Variants in ACTR3C observed in about 807,000 individuals in gnomAD.
The protein encoded by ACTR3C is actin-related protein 3C.
ACTR3C carries 18 observed loss-of-function variants against 26.3 expected under a neutral mutation model. The observed-to-expected ratio is 0.68, with a 90% confidence interval of 0.47 to 1.01. The LOEUF is 1.01. ACTR3C is among the 50% of genes least tolerant of loss of function. The pLI is 0.00. For synonymous variants in ACTR3C, 55 were observed against 94.5 expected, an observed-to-expected ratio of 0.58 and a Z score of 2.42; for missense variants, 184 against 250.7, an observed-to-expected ratio of 0.73 and a Z score of 1.80.
At chr7:149,955,604 C>A in the ACTR3C span, among the ~76,000 whole-genome samples, 1 of 152,062 alleles carries the variant, frequency 6.6e-6, no homozygotes, top group Non-Finnish European at 1.5e-5. Flanking sequence ...GCTGTATTTT[C>A]TTAACTGAAA....
chr7:150,132,202 C>G, the ACTR3C span, among the ~76,000 whole-genome samples: 1 of 152,024 alleles, frequency 6.6e-6, no homozygotes, highest in East Asian at 1.9e-4. Context: ...TTTTCAGGAG[C>G]TAGGGGACAG....
chr7:149,987,552 G>A, the ACTR3C span, among the ~76,000 whole-genome samples: 3 of 145,592 alleles, frequency 2.1e-5, no homozygotes, highest in African/African-American at 7.4e-5. Flanking sequence ...GGGCGACAGA[G>A]CAAGACTGTC....
intron 2 of ACTR3C, among the ~76,000 whole-genome samples, chr7:150,294,306 C>T (rs907803146): frequency 6.6e-6 from 1 of 152,226 alleles, no homozygotes; most frequent in Admixed American, 6.5e-5. Flanking sequence ...ATGCACACGG[C>T]GGCGCCCACA....
chr7:150,156,622 G>A, the ACTR3C span, among the ~76,000 whole-genome samples: 3 of 152,066 alleles, frequency 2.0e-5, no homozygotes, highest in Admixed American at 2.0e-4. Context: ...TTATTTTGGA[G>A]AGAAAACAAG....
the ACTR3C span, among the ~76,000 whole-genome samples, chr7:149,987,918 T>TA: frequency 6.6e-6 from 1 of 152,202 alleles, no homozygotes; most frequent in Non-Finnish European, 1.5e-5. Context: ...AAAGCTTTTT[T>TA]AAAAAAGAAA....
At chr7:149,936,522 T>C in the ACTR3C span, among the ~76,000 whole-genome samples, 1 of 152,216 alleles carries the variant, frequency 6.6e-6, no homozygotes, top group Non-Finnish European at 1.5e-5. Flanking sequence ...AAAGCCTGCA[T>C]TGGGGAAGCA....
intron 6 of ACTR3C, among the ~76,000 whole-genome samples, chr7:150,278,141 C>T (rs767748265): frequency 2.6e-4 from 40 of 152,224 alleles, no homozygotes; most frequent in Admixed American, 2.1e-3. Flanking sequence ...CCCACAGGAT[C>T]GCGCTACTCT....
chr7:150,221,165 A>T, the ACTR3C span, among the ~76,000 whole-genome samples: 1 of 152,250 alleles, frequency 6.6e-6, no homozygotes, highest in African/African-American at 2.4e-5. Flanking sequence ...GGTCGGTGCC[A>T]TTGGTTGGCG....
the ACTR3C span, among the ~76,000 whole-genome samples, chr7:150,011,325 G>T: frequency 6.6e-6 from 1 of 151,784 alleles, no homozygotes; most frequent in Non-Finnish European, 1.5e-5. Flanking sequence ...GGTGGCTCAC[G>T]CCTGTAATCT....
chr7:149,975,184 A>G, the ACTR3C span, among the ~76,000 whole-genome samples: 44 of 152,330 alleles, frequency 2.9e-4, no homozygotes, highest in African/African-American at 1.0e-3. Context: ...GTTGAAATCA[A>G]CTCACACAAA....
At chr7:150,085,725 A>G in the ACTR3C span, among the ~76,000 whole-genome samples, 1 of 152,268 alleles carries the variant, frequency 6.6e-6, no homozygotes, top group African/African-American at 2.4e-5. Flanking sequence ...GAGTTTAATA[A>G]GTATCCATCA....
downstream of ACTR3C, chr7:150,246,407 T>A (rs2129608791): frequency 6.6e-6 from 1 of 152,326 alleles, no homozygotes; most frequent in East Asian, 1.9e-4. Flanking sequence ...AGTGCATCAT[T>A]AATAGAACAG....
At chr7:150,042,771 A>G in the ACTR3C span, among the ~76,000 whole-genome samples, 3 of 151,442 alleles carry the variant, frequency 2.0e-5, no homozygotes, top group Admixed American at 6.5e-5. Context: ...AAACCTGTCT[A>G]GTTGTTTAGA....
the ACTR3C span, among the ~76,000 whole-genome samples, chr7:149,989,074 T>G: frequency 1.3e-5 from 2 of 152,088 alleles, no homozygotes; most frequent in South Asian, 4.2e-4. Context: ...GAGCAACCCC[T>G]CACCACCACT....
At chr7:150,158,653 T>C in the ACTR3C span, among the ~76,000 whole-genome samples, 1 of 152,232 alleles carries the variant, frequency 6.6e-6, no homozygotes, top group African/African-American at 2.4e-5. Flanking sequence ...AGAACATCAG[T>C]TGAGGACGGG....
the ACTR3C span, among the ~76,000 whole-genome samples, chr7:149,911,452 C>T: frequency 6.6e-6 from 1 of 152,078 alleles, no homozygotes; most frequent in African/African-American, 2.4e-5. Flanking sequence ...CAGTGACTGG[C>T]ACATGGCAAA....
rs188730925 is a variant in ACTR3C at position 150,294,295 on chromosome 7, A to G, written c.46-876T>C. Among the ~76,000 whole-genome samples, 1,107 of 152,346 alleles carry G rather than the reference A, an allele frequency of 7.3e-3. 9 individuals carry two copies. Among genetic ancestry groups the G allele is most frequent in the Non-Finnish European group, 0.011 (745 of 68,032 alleles). On this transcript the variant is annotated intron_variant, in intron 2 of 7. Coordinates refer to ENST00000683684, the MANE Select transcript of ACTR3C (RefSeq NM_001164458.2). ...CCAGGGATGCCGCTACGCTCCCCGC[A>G]ATGCACACGGCGGCGCCCACAACAA...
the ACTR3C span, among the ~76,000 whole-genome samples, chr7:150,037,905 C>G: frequency 1.5e-5 from 2 of 133,374 alleles, no homozygotes; most frequent in African/African-American, 2.8e-5. Flanking sequence ...GGCTCGCTCT[C>G]AGTCCCCGCG....
At chr7:149,932,628 T>C in the ACTR3C span, among the ~76,000 whole-genome samples, 2 of 149,242 alleles carry the variant, frequency 1.3e-5, no homozygotes, top group African/African-American at 5.0e-5. Flanking sequence ...GTTTGAAAAA[T>C]CATGGAAATG....
Sources: gnomAD v4.1 joint callset for allele counts (sites outside exome capture counted in the v4.1 genomes callset) on GRCh38, gnomAD v4.1.1 for gene constraint, MANE v1.5 for transcripts, NCBI Gene and HGNC (gene_info 2026-07-23, HGNC 2026-07-21) for gene names.